The following MAML3 variants were observed in gnomAD, a reference collection of about 807,000 sequenced individuals.
The protein encoded by MAML3 is mastermind like transcriptional coactivator 3, also known as mastermind-like protein 3.
MAML3 carries 27 observed loss-of-function variants against 101.9 expected under a neutral mutation model. That is an observed-to-expected ratio of 0.27 (90% CI 0.20 to 0.37). MAML3 has a LOEUF of 0.37. MAML3 is among the 10% of genes least tolerant of loss of function. The pLI is 1.00. For missense variants in MAML3, 1,316 were observed against 1,444.9 expected (o/e 0.91, Z 1.45); for synonymous variants, 501 against 555.9 (o/e 0.90, Z 1.39).
chr4:139,717,037 G>A lies in MAML3; in HGVS notation c.*2286C>T, dbSNP rs948338942. On this transcript the variant is annotated 3_prime_UTR_variant, in exon 5 of 5. Coordinates refer to ENST00000509479, the MANE Select transcript of MAML3 (RefSeq NM_018717.5). ...AAAAATACTCTATTTTAAACAAACAGTATATATATATTTATATGTATATTT... is the reference window on the plus strand; with the variant it reads ...AAAAATACTCTATTTTAAACAAACAATATATATATATTTATATGTATATTT... 6.6e-6 allele frequency: 1 copy of A among 152,280 alleles called. No homozygotes were observed. The allele number at this position is 152,280 out of a possible 1,614,324, so 9.4% of individuals were successfully genotyped here.
rs1733652481 is a variant in MAML3, at chr4:139,943,863, A to ACTTTTTTTTTTTTTTTTTTTTTT, written c.469-52919_469-52897dup. Reference sequence around the variant, plus strand: ...AGGTTGGGTTGTGGGCCTAAAGACAACTTTTTTTTTTTTTTTTTTTTTTTT... The same window carrying ACTTTTTTTTTTTTTTTTTTTTTT: ...AGGTTGGGTTGTGGGCCTAAAGACAACTTTTTTTTTTTTTTTTTTTTTTCTTTTTTTTTTTTTTTTTTTTTTTT... On this transcript the variant is annotated intron_variant, in intron 1 of 4. Coordinates refer to ENST00000509479, the MANE Select transcript of MAML3 (RefSeq NM_018717.5). 2.6e-5 allele frequency among the ~76,000 whole-genome samples: 2 copies of ACTTTTTTTTTTTTTTTTTTTTTT among 75,612 alleles called. 1 individual carries two copies. The highest frequency in any genetic ancestry group is 5.2e-5 in the Non-Finnish European group (2 of 38,216). The allele number at this position is 75,612 out of a possible 152,430, so 49.6% of individuals were successfully genotyped here. A position where few individuals can be genotyped will look rare whatever the true frequency, so the allele number is the denominator to read the frequency against.
chr4:140,064,801 C>A (rs1403815153), intron 1 of MAML3, among the ~76,000 whole-genome samples: 1 of 152,268 alleles, frequency 6.6e-6, no homozygotes, highest in East Asian at 1.9e-4. Context: ...TCCCTACTCG[C>A]CTTACCAAAA....
chr4:139,847,979 A>T (rs1466583704), intron 2 of MAML3, among the ~76,000 whole-genome samples: 1 of 152,112 alleles, frequency 6.6e-6, no homozygotes, highest in East Asian at 1.9e-4. Context: ...CATCCATTTG[A>T]TCTATTTTTC....
rs529467231 is a variant in MAML3, at chr4:139,885,912, G to A, written c.2079+3445C>T. The stretch of plus-strand genomic sequence containing the variant: ...CGCGCCACTGCACTCCAGCCTGGGC[G>A]ACAGGGCAAGACTCCGTCTCAAAAA... On this transcript the variant is annotated intron_variant, in intron 2 of 4. Transcript: ENST00000509479. Among the ~76,000 whole-genome samples the A allele has an allele frequency of 3.7e-3, 272 of 72,534 alleles. 3 individuals carry two copies. The highest frequency in any genetic ancestry group is 6.3e-3 in the Non-Finnish European group (234 of 36,902). The allele number at this position is 72,534 out of a possible 152,430, so 47.6% of individuals were successfully genotyped here.
chr4:140,087,173 A>T (rs1727967374), intron 1 of MAML3, among the ~76,000 whole-genome samples: 2 of 152,150 alleles, frequency 1.3e-5, no homozygotes. Flanking sequence ...AGAAAATACA[A>T]AACATTCTCC....
At chr4:140,115,311 ACTCT>A (rs1728500778) in intron 1 of MAML3, among the ~76,000 whole-genome samples, 1 of 152,158 alleles carries the variant, frequency 6.6e-6, no homozygotes, top group Non-Finnish European at 1.5e-5. Flanking sequence ...TCAAGTGCTC[ACTCT>A]CAATTAACAC....
At chr4:139,984,086 TC>T (rs1485308668) in intron 1 of MAML3, among the ~76,000 whole-genome samples, 1 of 152,074 alleles carries the variant, frequency 6.6e-6, no homozygotes, top group African/African-American at 2.4e-5. Flanking sequence ...CACGGTGGGG[TC>T]CACAGATGGG....
chr4:140,047,667 T>G (rs1727203975), intron 1 of MAML3, among the ~76,000 whole-genome samples: 2 of 151,960 alleles, frequency 1.3e-5, no homozygotes, highest in South Asian at 4.2e-4. Context: ...CCTTTATTTT[T>G]AAACTTCTTT....
chr4:140,130,581 A>T (rs1019738237), intron 1 of MAML3, among the ~76,000 whole-genome samples: 4 of 152,240 alleles, frequency 2.6e-5, no homozygotes, highest in Non-Finnish European at 5.9e-5. Flanking sequence ...TTTACTTAAA[A>T]ATCATTTAGA....
At chr4:140,047,800 A>G (rs1469264528) in intron 1 of MAML3, among the ~76,000 whole-genome samples, 1 of 145,954 alleles carries the variant, frequency 6.9e-6, no homozygotes, top group Admixed American at 7.2e-5. Context: ...GCTCTGGTTT[A>G]GCTTGGAGGA....
intron 1 of MAML3, among the ~76,000 whole-genome samples, chr4:139,943,598 A>T (rs1469559702): frequency 6.6e-6 from 1 of 152,194 alleles, no homozygotes; most frequent in African/African-American, 2.4e-5. Flanking sequence ...TGCATTCATA[A>T]TCATGTTTGG....
chr4:139,778,679 T>C (rs563380923), intron 2 of MAML3, among the ~76,000 whole-genome samples: 2 of 152,300 alleles, frequency 1.3e-5, no homozygotes, highest in East Asian at 3.9e-4. Flanking sequence ...TGGTTCCACG[T>C]TCCCACAGAA....
At chr4:140,103,063 G>A (rs1438237277) in intron 1 of MAML3, among the ~76,000 whole-genome samples, 4 of 152,212 alleles carry the variant, frequency 2.6e-5, no homozygotes, top group African/African-American at 9.6e-5. Context: ...GAAACTCCCC[G>A]ACGCCACTCT....
At chr4:139,973,669 A>T (rs746333219) in intron 1 of MAML3, among the ~76,000 whole-genome samples, 1 of 152,216 alleles carries the variant, frequency 6.6e-6, no homozygotes, top group Non-Finnish European at 1.5e-5. Flanking sequence ...GGCCACCAAC[A>T]TCTGTGAATA....
Position 139,865,362 on chromosome 4 carries a change from T to C in MAML3, c.2079+23995A>G, listed in dbSNP as rs17050945. On this transcript the variant is annotated intron_variant, in intron 2 of 4. Transcript: ENST00000509479. ...AAGAGGGGAAGGTGCAGAAATAAGA[T>C]GGATCCAGGTGACCTTGGGGAGAAA... Among the ~76,000 whole-genome samples, 1,230 of 152,266 alleles carry C rather than the reference T, an allele frequency of 8.1e-3. 20 individuals are homozygous for C. The highest frequency in any genetic ancestry group is 0.028 in the African/African-American group (1,159 of 41,552).
chr4:139,757,687 C>T (rs1209919726), intron 2 of MAML3, among the ~76,000 whole-genome samples: 1 of 151,094 alleles, frequency 6.6e-6, no homozygotes, highest in Non-Finnish European at 1.5e-5. Flanking sequence ...TATCAGGGCA[C>T]ACTTCATGAC....
At chr4:140,037,151 C>A (rs1429101211) in intron 1 of MAML3, among the ~76,000 whole-genome samples, 4 of 150,470 alleles carry the variant, frequency 2.7e-5, no homozygotes, top group Admixed American at 1.3e-4. Flanking sequence ...AAGTGAGGCA[C>A]TAAGAACCCT....
intron 2 of MAML3, among the ~76,000 whole-genome samples, chr4:139,864,195 G>T (rs1432181056): frequency 6.6e-6 from 1 of 152,160 alleles, no homozygotes; most frequent in Non-Finnish European, 1.5e-5. Flanking sequence ...TTTCATGAGA[G>T]CTACTTTGAG....
intron 1 of MAML3, among the ~76,000 whole-genome samples, chr4:139,937,622 G>A (rs374510915): frequency 2.0e-5 from 3 of 152,038 alleles, no homozygotes; most frequent in African/African-American, 2.4e-5. Flanking sequence ...TCCTGGCCTC[G>A]AGTGATCTGC....
Sources: gnomAD v4.1 joint callset for allele counts (sites outside exome capture counted in the v4.1 genomes callset) on GRCh38, gnomAD v4.1.1 for gene constraint, MANE v1.5 for transcripts, NCBI Gene and HGNC (gene_info 2026-07-23, HGNC 2026-07-21) for gene names.